EIF3A: variants seen among roughly 807,000 people sequenced by gnomAD.
EIF3A encodes the protein eukaryotic translation initiation factor 3 subunit A.
A neutral mutation model predicts 186.6 loss-of-function variants in EIF3A; 21 were observed. The ratio of observed to expected loss-of-function variants is 0.11; its 90% CI spans 0.08 to 0.16. The LOEUF (loss-of-function observed/expected upper bound fraction) is 0.16, where lower values mean the gene tolerates loss of function less well. Among genes scored for constraint, EIF3A ranks in the 10% least tolerant of loss-of-function variants. The pLI, the probability that EIF3A is intolerant of heterozygous loss-of-function variation, is 1.00. For synonymous variants in EIF3A, 563 were observed against 584.3 expected (o/e 0.96, Z 0.52); for missense variants, 1,306 against 1,796.3 (o/e 0.73, Z 4.93).
At chr10:119,039,038 A>T (rs927120078) in intron 19 of EIF3A, among the ~76,000 whole-genome samples, 4 of 152,230 alleles carry the variant, frequency 2.6e-5, no homozygotes, top group Non-Finnish European at 5.9e-5. Context: ...TTGCACGCAG[A>T]TTTCAGCATA....
rs1848233350 is a variant in EIF3A at position 119,042,944 on chromosome 10, G to A, written c.2748-172C>T. 6.6e-6 allele frequency among the ~76,000 whole-genome samples: 1 copy of A among 152,132 alleles called. No homozygotes were observed. Among genetic ancestry groups the A allele is most frequent in the Admixed American group, 6.5e-5 (1 of 15,280 alleles). ...GAGGCAGGCAGATCACCTGAGGTCA[G>A]GAGTTCAAGACCAGCCTGGCCTGGC... is the stretch of plus-strand genomic sequence containing the variant. On this transcript the variant is annotated intron_variant, in intron 18 of 21. Transcript: ENST00000369144. The surrounding 1 kb of genome is among the most constrained non-coding windows in gnomAD (Gnocchi z 7.8).
chr10:119,074,231 C>T (rs550176471), intron 1 of EIF3A, among the ~76,000 whole-genome samples: 4 of 152,178 alleles, frequency 2.6e-5, no homozygotes, highest in East Asian at 1.9e-4. Context: ...TTTGAGAGGC[C>T]GAGGTGGGCC....
intron 7 of EIF3A, 30 bp from the exon 8 acceptor site, chr10:119,061,358 G>A: frequency 2.0e-6 from 2 of 1,014,660 alleles, no homozygotes; most frequent in Non-Finnish European, 2.9e-6. Context: ...AGATGTAACT[G>A]CCAAAGGAAA....
chr10:119,045,971 A>T (rs1055651592), intron 17 of EIF3A, among the ~76,000 whole-genome samples: 1 of 152,220 alleles, frequency 6.6e-6, no homozygotes, highest in Non-Finnish European at 1.5e-5. Flanking sequence ...AGAGTAAAAG[A>T]AACATTAAAG....
intron 4 of EIF3A, 45 bp from the exon 5 acceptor site, chr10:119,071,130 A>AC (rs780964267): frequency 1.5e-6 from 2 of 1,334,972 alleles, no homozygotes; most frequent in Non-Finnish European, 2.2e-6. Flanking sequence ...TCCACTATCT[A>AC]CTTAAATATT....
At chr10:119,055,618 TC>T (rs1843765696) in intron 14 of EIF3A, among the ~76,000 whole-genome samples, 1 of 152,046 alleles carries the variant, frequency 6.6e-6, no homozygotes, top group Admixed American at 6.6e-5. Flanking sequence ...ACACCCATAA[TC>T]CCAGCACTTT....
intron 6 of EIF3A, among the ~76,000 whole-genome samples, chr10:119,068,695 G>C (rs920244050): frequency 8.6e-5 from 13 of 150,846 alleles, no homozygotes; most frequent in Admixed American, 7.9e-4. Flanking sequence ...TAAAATACAA[G>C]TCAGGCGCGG....
rs555193591 is a variant in EIF3A, at chr10:119,060,225, C to G, written c.1327-507G>C. 13 of 478,586 alleles carry G rather than the reference C, an allele frequency of 2.7e-5. 1 individual carries two copies. The highest frequency in any genetic ancestry group is 8.2e-5 in the African/African-American group (4 of 48,978). 29.6% of individuals were successfully genotyped at this position (478,586 alleles called of 1,614,324 possible). ...AAATGGGAGCACTTACTGACTTAAG[C>G]CCCTGGACTAAAATATATGAAAAGG... On this transcript the variant is annotated intron_variant, in intron 9 of 21. Coordinates refer to ENST00000369144, the MANE Select transcript of EIF3A (RefSeq NM_003750.4).
At chr10:119,041,787 AAAG>A (rs1310697060) in intron 19 of EIF3A, among the ~76,000 whole-genome samples, 1 of 152,226 alleles carries the variant, frequency 6.6e-6, no homozygotes, top group Non-Finnish European at 1.5e-5. Context: ...GCACATCACT[AAAG>A]AAGAGAGGGG....
In EIF3A at chr10:119,064,167, A is replaced by G. The variant is rs140483770; in HGVS notation, c.1122+1232T>C. Among the ~76,000 whole-genome samples the G allele has an allele frequency of 1.7e-3, 263 of 152,372 alleles. 2 individuals carry two copies. Among genetic ancestry groups the G allele is most frequent in the African/African-American group, 5.6e-3 (232 of 41,590 alleles). ...TAAAACCTAGAAATCTGCATTTTAAAAAGTATTTCACATACAATTTCACTG... is the reference window on the plus strand; with the variant it reads ...TAAAACCTAGAAATCTGCATTTTAAGAAGTATTTCACATACAATTTCACTG... On this transcript the variant is annotated intron_variant, in intron 7 of 21. Coordinates refer to ENST00000369144, the MANE Select transcript of EIF3A (RefSeq NM_003750.4).
rs369736027 is a variant in EIF3A, at chr10:119,045,196, AG to A, written c.2659-1055del. On this transcript the variant is annotated intron_variant, in intron 17 of 21. Transcript: ENST00000369144. ...CTGACCTCAACTGATCCACCTGCCT[AG>A]GCTTCCCAAAGTTCTGAGATTATAG... Among the ~76,000 whole-genome samples the A allele has an allele frequency of 5.1e-3, 780 of 152,228 alleles. 6 individuals carry two copies. The highest frequency in any genetic ancestry group is 8.7e-3 in the Non-Finnish European group (591 of 68,002).
Position 119,038,470 on chromosome 10 carries a change from AAAT to A in EIF3A, c.3527-34_3527-32del, listed in dbSNP as rs768135336. 2.0e-5 allele frequency: 31 copies of A among 1,548,082 alleles called. 1 individual carries two copies. The South Asian group carries it at 3.7e-4, about 18-fold the overall frequency. ...TTTTTGAAAAAGCAAAACATTTTTA[AAAT>A]ATTTTTAAAAGAAGAAACAGATTGG... On this transcript the variant is annotated intron_variant, in intron 19 of 21. Transcript: ENST00000369144.
intron 4 of EIF3A, among the ~76,000 whole-genome samples, chr10:119,072,068 T>TGAA (rs1300918292): frequency 9.5e-6 from 1 of 105,356 alleles, no homozygotes; most frequent in Non-Finnish European, 2.1e-5. Flanking sequence ...AGAAAGAAAG[T>TGAA]GAAAATTCAG....
intron 17 of EIF3A, among the ~76,000 whole-genome samples, chr10:119,047,918 T>C (rs1447541791): frequency 6.6e-6 from 1 of 152,030 alleles, no homozygotes; most frequent in East Asian, 1.9e-4. Context: ...ATCCTTGAGC[T>C]TTCTGAGTGA....
chr10:119,056,210 AC>A (rs1843781016), intron 14 of EIF3A, among the ~76,000 whole-genome samples: 1 of 152,228 alleles, frequency 6.6e-6, no homozygotes, highest in Non-Finnish European at 1.5e-5. Flanking sequence ...TATAAAATAT[AC>A]TATAAGTTAA....
rs575905159 is a variant in EIF3A at position 119,035,937 on chromosome 10, C to T, written c.*102G>A. The T allele has an allele frequency of 1.5e-5, 13 of 851,894 alleles. No individual in the cohort carries two copies. Among genetic ancestry groups the T allele is most frequent in the African/African-American group, 1.3e-4 (8 of 59,356 alleles). The allele number at this position is 851,894 out of a possible 1,614,324, so 52.8% of individuals were successfully genotyped here. Reference sequence around the variant, plus strand: ...TGCTTTTTGTGTTATGGTGAAACAACATTAAAGAATCCAATTTAGATTGGT... The same window carrying T: ...TGCTTTTTGTGTTATGGTGAAACAATATTAAAGAATCCAATTTAGATTGGT... On this transcript the variant is annotated 3_prime_UTR_variant, in exon 22 of 22. Coordinates refer to ENST00000369144, the MANE Select transcript of EIF3A (RefSeq NM_003750.4).
chr10:119,066,209 TTTA>T (rs1392771505), intron 6 of EIF3A, among the ~76,000 whole-genome samples: 2 of 148,544 alleles, frequency 1.3e-5, no homozygotes, highest in Non-Finnish European at 3.0e-5. Flanking sequence ...TTAAGGCAGG[TTTA>T]AAAACTAAGG....
At chr10:119,066,345 C>A (rs1184063963) in intron 6 of EIF3A, among the ~76,000 whole-genome samples, 3 of 150,242 alleles carry the variant, frequency 2.0e-5, no homozygotes, top group African/African-American at 7.4e-5. Flanking sequence ...CCCATCTCTA[C>A]TAAAAATGCA....
At chr10:119,066,622 G>A (rs1051900270) in intron 6 of EIF3A, among the ~76,000 whole-genome samples, 3 of 150,824 alleles carry the variant, frequency 2.0e-5, no homozygotes, top group Non-Finnish European at 2.9e-5. Context: ...GGGAGAGGGG[G>A]AGACAAGAAC....
Sources: allele counts gnomAD v4.1 joint callset (sites outside exome capture counted in the v4.1 genomes callset), GRCh38; gene constraint gnomAD v4.1.1; non-coding constraint Gnocchi (gnomAD v3.1); transcripts MANE v1.5; gene names NCBI Gene and HGNC (gene_info 2026-07-23, HGNC 2026-07-21).